The following SLC38A8 variants were observed in gnomAD, a reference collection of about 807,000 sequenced individuals.
SLC38A8 encodes the protein amino acid transporter SLC38A8.
Under a neutral mutation model 46.0 loss-of-function variants are expected in SLC38A8, and 65 were observed. The observed-to-expected ratio is 1.41, with a 90% CI of 1.16 to 1.74. SLC38A8 has a LOEUF of 1.74. Ranked by LOEUF, SLC38A8 falls within the 40% of genes most tolerant of loss-of-function variation. The pLI is 0.00. For missense variants in SLC38A8, 998 were observed against 567.9 expected, an observed-to-expected ratio of 1.76 and a Z score of -7.70; for synonymous variants, 447 against 243.7, an observed-to-expected ratio of 1.83 and a Z score of -7.77.
chr16:84,023,924 G>C (rs1240663529), intron 6 of SLC38A8, among the ~76,000 whole-genome samples: 2 of 152,190 alleles, frequency 1.3e-5, no homozygotes, highest in African/African-American at 4.8e-5. Context: ...AGCAGAGAAT[G>C]TTTCCGTTAA....
chr16:84,031,844 G>A (rs369834066), intron 5 of SLC38A8, 23 bp downstream of exon 5: 42 of 1,608,362 alleles, frequency 2.6e-5, no homozygotes, highest in African/African-American at 2.0e-4. Context: ...CGAGGCTGCC[G>A]GAAGCTGTTC....
At chr16:84,019,915 C>T (rs546219354) in intron 7 of SLC38A8, among the ~76,000 whole-genome samples, 70 of 152,394 alleles carry the variant, frequency 4.6e-4, no homozygotes, top group African/African-American at 1.7e-3. Flanking sequence ...ACCCCCTGGA[C>T]ACACTGAGGC....
intron 5 of SLC38A8, among the ~76,000 whole-genome samples, chr16:84,030,332 C>CACCTCCTGTTTTTACCAGG (rs2085223130): frequency 6.6e-6 from 1 of 152,154 alleles, no homozygotes; most frequent in East Asian, 1.9e-4. Context: ...CCTAACTCAT[C>CACCTCCTGTTTTTACCAGG]ACCTCCTGTT....
At chr16:84,035,836 G>A (rs762885559) in intron 3 of SLC38A8, among the ~76,000 whole-genome samples, 16 of 152,234 alleles carry the variant, frequency 1.1e-4, no homozygotes, top group South Asian at 4.1e-4. Flanking sequence ...CGCAGCTGGC[G>A]ATTTTAACAT....
intron 5 of SLC38A8, among the ~76,000 whole-genome samples, chr16:84,030,188 C>G (rs868182404): frequency 2.0e-5 from 3 of 152,076 alleles, no homozygotes; most frequent in African/African-American, 7.2e-5. Context: ...CGTCTATCAG[C>G]CAAGGAACAC....
chr16:84,027,378 AACAAACAAACAC>A (rs996275532), intron 6 of SLC38A8, among the ~76,000 whole-genome samples: 8 of 150,462 alleles, frequency 5.3e-5, no homozygotes, highest in East Asian at 1.9e-4. Flanking sequence ...CAAACAAACA[AACAAACAAACAC>A]ACACTAGAAG....
In SLC38A8 at chr16:84,016,735, C is replaced by G. The variant is rs770704245; in HGVS notation, c.954-8G>C. ...AAGTCCTGCATCACTGACCTGGAGG[C>G]CACAGCCAACACAGACACATGGGCA... is the stretch of plus-strand genomic sequence containing the variant. On this transcript the variant is annotated splice_region_variant and splice_polypyrimidine_tract_variant and intron_variant, in intron 8 of 10. Coordinates refer to ENST00000299709, the MANE Select transcript of SLC38A8 (RefSeq NM_001080442.3). 82 of 1,610,150 alleles carry G rather than the reference C, an allele frequency of 5.1e-5. No homozygotes were observed. The highest frequency in any genetic ancestry group is 5.6e-5 in the Non-Finnish European group (66 of 1,178,816).
intron 6 of SLC38A8, among the ~76,000 whole-genome samples, chr16:84,027,537 G>A (rs1250263860): frequency 6.6e-6 from 1 of 152,162 alleles, no homozygotes; most frequent in African/African-American, 2.4e-5. Flanking sequence ...TTTGAGTCAG[G>A]TCAGAGTTCC....
At chr16:84,020,807 T>C (rs1209490124) in intron 7 of SLC38A8, among the ~76,000 whole-genome samples, 4 of 152,142 alleles carry the variant, frequency 2.6e-5, no homozygotes, top group Non-Finnish European at 5.9e-5. Context: ...GATAATCCTT[T>C]CTCTCCATAT....
At chr16:84,016,384 C>T in intron 9 of SLC38A8, 135 bp downstream of exon 9, 1 of 946,186 alleles carries the variant, frequency 1.1e-6, no homozygotes, top group Non-Finnish European at 1.6e-6. Context: ...ATAAAAAGGG[C>T]ACCTACATGG....
chr16:84,026,810 T>G (rs2151121118), intron 6 of SLC38A8, among the ~76,000 whole-genome samples: 1 of 150,806 alleles, frequency 6.6e-6, no homozygotes. Flanking sequence ...ACAATAGGAT[T>G]CCATTCCTAG....
chr16:84,013,165 G>T, intron 9 of SLC38A8, 113 bp from the exon 10 acceptor site: 1 of 1,218,596 alleles, frequency 8.2e-7, no homozygotes, highest in East Asian at 2.3e-5. Context: ...TCCGCCCATG[G>T]GTGCCCCTGG....
At chr16:84,034,418 A>G (rs1305241330) in intron 3 of SLC38A8, among the ~76,000 whole-genome samples, 1 of 152,196 alleles carries the variant, frequency 6.6e-6, no homozygotes, top group East Asian at 1.9e-4. Flanking sequence ...AACCCATCTA[A>G]GAGGTAAGAC....
chr16:84,018,736 G>A (rs1236855749), intron 7 of SLC38A8, among the ~76,000 whole-genome samples: 1 of 152,156 alleles, frequency 6.6e-6, no homozygotes, highest in African/African-American at 2.4e-5. Context: ...TTAACACAGT[G>A]ATGTCTGATG....
chr16:84,013,205 G>C (rs889178841), intron 9 of SLC38A8, among the ~76,000 whole-genome samples, 153 bp from the exon 10 acceptor site: 21 of 152,198 alleles, frequency 1.4e-4, no homozygotes, highest in African/African-American at 5.1e-4. Context: ...CAACACAGTG[G>C]AGCTGGAAGG....
At chr16:84,037,246 G>A (rs2085310641) in intron 2 of SLC38A8, among the ~76,000 whole-genome samples, 4 of 152,238 alleles carry the variant, frequency 2.6e-5, no homozygotes, top group Non-Finnish European at 5.9e-5. Flanking sequence ...TGGGTGGAGA[G>A]GCAGTAGGCG....
At chr16:84,030,671 T>G (rs1444709662) in intron 5 of SLC38A8, among the ~76,000 whole-genome samples, 2 of 152,300 alleles carry the variant, frequency 1.3e-5, no homozygotes, top group South Asian at 4.1e-4. Flanking sequence ...CAAGTTACCT[T>G]GACTTTCTTC....
chr16:84,026,884 G>C (rs566849058), intron 6 of SLC38A8, among the ~76,000 whole-genome samples: 76 of 152,302 alleles, frequency 5.0e-4, no homozygotes, highest in African/African-American at 1.8e-3. Context: ...CAGAGGTGGA[G>C]AATGGAGAGT....
chr16:84,035,303 C>G (rs189894885), intron 3 of SLC38A8, among the ~76,000 whole-genome samples: 1 of 152,316 alleles, frequency 6.6e-6, no homozygotes, highest in East Asian at 1.9e-4. Flanking sequence ...CTCACTTCTT[C>G]TTGGTATAAG....
Sources: gnomAD v4.1 joint callset for allele counts (sites outside exome capture counted in the v4.1 genomes callset) on GRCh38, gnomAD v4.1.1 for gene constraint, MANE v1.5 for transcripts, NCBI Gene and HGNC (gene_info 2026-07-23, HGNC 2026-07-21) for gene names.